The following ATP8A2 variants were observed in gnomAD, a reference collection of about 807,000 sequenced individuals.
ATP8A2 encodes the protein ATPase phospholipid transporting 8A2.
Under a neutral mutation model 165.6 loss-of-function variants are expected in ATP8A2, and 100 were observed. The ratio of observed to expected loss-of-function variants is 0.60; its 90% CI spans 0.51 to 0.71. ATP8A2 has a LOEUF of 0.71. ATP8A2 is among the 30% of genes least tolerant of loss of function. The pLI is 0.00. For synonymous variants in ATP8A2, 543 were observed against 548.8 expected (o/e 0.99, Z 0.15); for missense variants, 1,227 against 1,479.5 (o/e 0.83, Z 2.80).
chr13:25,792,308 A>T (rs1434253215), intron 27 of ATP8A2, among the ~76,000 whole-genome samples: 1 of 152,228 alleles, frequency 6.6e-6, no homozygotes, highest in African/African-American at 2.4e-5. Context: ...TCTCAGCAGC[A>T]GGTTTTGTCA....
chr13:25,843,351 A>G (rs551893260), intron 30 of ATP8A2, among the ~76,000 whole-genome samples: 14 of 152,296 alleles, frequency 9.2e-5, no homozygotes, highest in African/African-American at 2.4e-4. Context: ...TGGAAAAAAC[A>G]GTAACCTCCT....
intron 25 of ATP8A2, among the ~76,000 whole-genome samples, chr13:25,732,202 T>C (rs947707596): frequency 1.3e-5 from 2 of 152,200 alleles, no homozygotes; most frequent in Non-Finnish European, 2.9e-5. Context: ...TGTTTGGAAG[T>C]TGGAGGCACG....
chr13:25,597,765 G>A (rs2040274226), intron 24 of ATP8A2, among the ~76,000 whole-genome samples: 3 of 152,116 alleles, frequency 2.0e-5, no homozygotes, highest in Admixed American at 2.0e-4. Context: ...TGATAAATAT[G>A]TGTGGTATTC....
intron 27 of ATP8A2, among the ~76,000 whole-genome samples, chr13:25,783,805 A>G (rs1396370937): frequency 6.6e-6 from 1 of 152,186 alleles, no homozygotes; most frequent in African/African-American, 2.4e-5. Context: ...TTAGTACCTA[A>G]CAGAGAAGAA....
intron 33 of ATP8A2, among the ~76,000 whole-genome samples, chr13:25,879,431 A>C (rs965696221): frequency 3.3e-5 from 5 of 152,260 alleles, no homozygotes; most frequent in Non-Finnish European, 1.5e-5. Context: ...AAACAGAAAA[A>C]GAATGCATAG....
intron 1 of ATP8A2, among the ~76,000 whole-genome samples, chr13:25,399,489 C>G (rs1219399232): frequency 7.8e-6 from 1 of 128,766 alleles, no homozygotes; most frequent in Non-Finnish European, 1.6e-5. Flanking sequence ...AGCTCCGCCT[C>G]CTGGGTTCAC....
At chr13:25,472,299 C>T (rs2035866396) in intron 2 of ATP8A2, among the ~76,000 whole-genome samples, 2 of 150,698 alleles carry the variant, frequency 1.3e-5, no homozygotes, top group Admixed American at 1.3e-4. Context: ...GAGACTGAGG[C>T]ACAAGAATCG....
chr13:25,385,961 G>A (rs2033027078), intron 1 of ATP8A2, among the ~76,000 whole-genome samples: 1 of 150,252 alleles, frequency 6.7e-6, no homozygotes, highest in Admixed American at 6.7e-5. Context: ...TGCCCAGGCT[G>A]GAGTGCAGTG....
intron 33 of ATP8A2, among the ~76,000 whole-genome samples, chr13:25,944,063 G>A (rs554616736): frequency 1.3e-5 from 2 of 152,328 alleles, no homozygotes; most frequent in South Asian, 4.1e-4. Context: ...GTCAGACTAG[G>A]ATTACTGGGC....
chr13:25,604,157 A>C (rs990296995), intron 24 of ATP8A2, among the ~76,000 whole-genome samples: 3 of 152,064 alleles, frequency 2.0e-5, no homozygotes, highest in South Asian at 2.1e-4. Flanking sequence ...GAAAATATGG[A>C]CATTGAGGTA....
intron 33 of ATP8A2, among the ~76,000 whole-genome samples, chr13:25,900,822 G>T (rs537583555): frequency 2.0e-5 from 3 of 152,178 alleles, no homozygotes; most frequent in Non-Finnish European, 4.4e-5. Context: ...TATTAGCGCT[G>T]TTGACTAAGA....
intron 1 of ATP8A2, among the ~76,000 whole-genome samples, chr13:25,412,621 A>C (rs1195522328): frequency 6.6e-6 from 1 of 152,232 alleles, no homozygotes; most frequent in East Asian, 1.9e-4. Context: ...CTTTGGGAGC[A>C]AAAGGTGGAG....
At chr13:26,002,848 CTGTGTGTGTGTGTG>C (rs199795279) in intron 35 of ATP8A2, among the ~76,000 whole-genome samples, 133 of 134,796 alleles carry the variant, frequency 9.9e-4, no homozygotes, top group African/African-American at 2.5e-3. Context: ...TAGTATTCCA[CTGTGTGTGTGTGTG>C]TGTGTGTGTG....
intron 18 of ATP8A2, among the ~76,000 whole-genome samples, chr13:25,574,449 C>A (rs2039558288): frequency 6.6e-6 from 1 of 152,210 alleles, no homozygotes; most frequent in South Asian, 2.1e-4. Context: ...CCAGACCCTG[C>A]TGGGGACATT....
chr13:25,965,925 T>C (rs1162341160), intron 34 of ATP8A2, among the ~76,000 whole-genome samples: 17 of 152,062 alleles, frequency 1.1e-4, no homozygotes, highest in Non-Finnish European at 2.9e-5. Flanking sequence ...CTAATTTCTT[T>C]TGCAGCACGT....
At chr13:25,458,062 A>G (rs562915968) in intron 1 of ATP8A2, among the ~76,000 whole-genome samples, 1 of 152,352 alleles carries the variant, frequency 6.6e-6, no homozygotes, top group East Asian at 1.9e-4. Context: ...AGTTGAAGCA[A>G]ATGAATGTGT....
chr13:25,487,396 A>G (rs986848004), intron 2 of ATP8A2, among the ~76,000 whole-genome samples: 2 of 152,200 alleles, frequency 1.3e-5, no homozygotes, highest in Admixed American at 1.3e-4. Flanking sequence ...GTTTGTAGCC[A>G]GCACTCCTGG....
intron 8 of ATP8A2, 127 bp downstream of exon 8, chr13:25,540,515 C>G (rs530156932): frequency 2.8e-6 from 2 of 702,346 alleles, no homozygotes; most frequent in African/African-American, 3.6e-5. Context: ...CTAATGGAAT[C>G]TATGGGAAGA....
intron 1 of ATP8A2, among the ~76,000 whole-genome samples, chr13:25,432,840 AT>A (rs1176119834): frequency 6.6e-6 from 1 of 152,014 alleles, no homozygotes; most frequent in Non-Finnish European, 1.5e-5. Context: ...TATTCAATGT[AT>A]GTGTTTTATT....
Sources: gnomAD v4.1 joint callset for allele counts (sites outside exome capture counted in the v4.1 genomes callset) on GRCh38, gnomAD v4.1.1 for gene constraint, MANE v1.5 for transcripts, NCBI Gene and HGNC (gene_info 2026-07-23, HGNC 2026-07-21) for gene names.